CMSS1: variants seen among roughly 807,000 people sequenced by gnomAD.
CMSS1 encodes the protein protein CMSS1.
A neutral mutation model predicts 43.5 loss-of-function variants in CMSS1; 33 were observed. The ratio of observed to expected loss-of-function variants is 0.76; its 90% confidence interval spans 0.57 to 1.01. The LOEUF is 1.01. Ranked by LOEUF, CMSS1 falls within the 50% of genes least tolerant of loss-of-function variation. The pLI is 0.00. For missense variants in CMSS1, 313 were observed against 326.4 expected (o/e 0.96, Z 0.32); for synonymous variants, 115 against 117.2 (o/e 0.98, Z 0.12).
chr3:100,010,257 C>A, intron 1 of CMSS1: 1 of 358,632 alleles, frequency 2.8e-6, no homozygotes, highest in Non-Finnish European at 3.9e-6. Flanking sequence ...CCCCCCACAA[C>A]ATTGTCCTTA....
intron 1 of CMSS1, among the ~76,000 whole-genome samples, chr3:99,905,599 T>C (rs986617538): frequency 6.6e-6 from 1 of 152,260 alleles, no homozygotes; most frequent in Admixed American, 6.5e-5. Context: ...TACAGATTGA[T>C]ACACTTTTAC....
intron 1 of CMSS1, among the ~76,000 whole-genome samples, chr3:99,852,017 T>A (rs1424483021): frequency 6.6e-6 from 1 of 152,266 alleles, no homozygotes; most frequent in Non-Finnish European, 1.5e-5. Flanking sequence ...AATAATTCCC[T>A]CTTAAATGAT....
chr3:99,901,948 GATA>G (rs1191685236), intron 1 of CMSS1, among the ~76,000 whole-genome samples: 1 of 152,048 alleles, frequency 6.6e-6, no homozygotes, highest in Non-Finnish European at 1.5e-5. Flanking sequence ...ATGTGTTGCT[GATA>G]ATGATGCCAA....
intron 1 of CMSS1, among the ~76,000 whole-genome samples, chr3:99,909,069 CT>C (rs1706711408): frequency 6.6e-6 from 1 of 152,156 alleles, no homozygotes; most frequent in South Asian, 2.1e-4. Flanking sequence ...CAAAGGAATG[CT>C]TACCTGGAAA....
intron 1 of CMSS1, among the ~76,000 whole-genome samples, chr3:100,004,482 C>G (rs1241067389): frequency 1.3e-5 from 2 of 152,166 alleles, no homozygotes; most frequent in African/African-American, 4.8e-5. Context: ...GGTCACCCAT[C>G]AGAGTGGTGG....
intron 1 of CMSS1, among the ~76,000 whole-genome samples, chr3:99,920,311 A>T (rs1034735099): frequency 6.6e-6 from 1 of 152,230 alleles, no homozygotes; most frequent in Non-Finnish European, 1.5e-5. Flanking sequence ...AAGAAAAAAA[A>T]ATATGCAAGC....
At chr3:100,134,600 T>G (rs1031488008) in intron 1 of CMSS1, among the ~76,000 whole-genome samples, 4 of 152,178 alleles carry the variant, frequency 2.6e-5, no homozygotes, top group African/African-American at 9.7e-5. Context: ...GGAAAACAAG[T>G]ATAAATCAGG....
intron 1 of CMSS1, chr3:99,848,927 G>A: frequency 6.2e-7 from 1 of 1,614,174 alleles, no homozygotes; most frequent in Admixed American, 1.7e-5. Flanking sequence ...GTGATTTCAA[G>A]AGTGGCTGTG....
At chr3:99,984,048 A>ATGTGTGTGTGTGTGTGTGTGTGTGTG (rs367846393) in intron 1 of CMSS1, among the ~76,000 whole-genome samples, 2,472 of 147,656 alleles carry the variant, frequency 0.017, 35 homozygotes, top group African/African-American at 0.024. Flanking sequence ...AAGGATGTAT[A>ATGTGTGTGTGTGTGTGTGTGTGTGTG]TGTATGTGTG....
chr3:99,974,533 A>G (rs1296572492), intron 1 of CMSS1, among the ~76,000 whole-genome samples: 9 of 151,990 alleles, frequency 5.9e-5, no homozygotes, highest in African/African-American at 2.2e-4. Context: ...AACATGGAGA[A>G]ACCCCGTCTC....
At chr3:99,963,633 A>G (rs1208623975) in intron 1 of CMSS1, among the ~76,000 whole-genome samples, 1 of 151,472 alleles carries the variant, frequency 6.6e-6, no homozygotes, top group African/African-American at 2.4e-5. Flanking sequence ...TTTTTTTTAG[A>G]CGGAGTGTCG....
intron 6 of CMSS1, among the ~76,000 whole-genome samples, chr3:100,168,056 C>T (rs1405025938): frequency 6.6e-6 from 1 of 152,118 alleles, no homozygotes; most frequent in East Asian, 1.9e-4. Context: ...AAAAATAAAG[C>T]ATGGCAAAGG....
At chr3:100,088,036 G>C (rs1049250026) in intron 1 of CMSS1, among the ~76,000 whole-genome samples, 1 of 151,968 alleles carries the variant, frequency 6.6e-6, no homozygotes, top group Non-Finnish European at 1.5e-5. Flanking sequence ...TTACCATGTT[G>C]GCCAGGCTGG....
intron 2 of CMSS1, among the ~76,000 whole-genome samples, chr3:100,154,743 C>A (rs1489747496): frequency 6.6e-6 from 1 of 152,074 alleles, no homozygotes; most frequent in Non-Finnish European, 1.5e-5. Flanking sequence ...GAGGCTGAGG[C>A]GGGCAGATCA....
intron 1 of CMSS1, among the ~76,000 whole-genome samples, chr3:99,893,162 C>CTTTTTTTT (rs1200176411): frequency 9.3e-6 from 1 of 107,648 alleles, no homozygotes; most frequent in African/African-American, 3.4e-5. Context: ...GGCATCTAGA[C>CTTTTTTTT]TTTTTTTTTT....
chr3:100,029,951 G>C (rs1405395283), intron 1 of CMSS1, among the ~76,000 whole-genome samples: 1 of 152,162 alleles, frequency 6.6e-6, no homozygotes, highest in East Asian at 1.9e-4. Flanking sequence ...GGTGTGACAT[G>C]AGTGAGGACT....
intron 1 of CMSS1, among the ~76,000 whole-genome samples, chr3:100,139,529 A>AATG (rs1284622686): frequency 7.7e-6 from 1 of 129,296 alleles, no homozygotes; most frequent in African/African-American, 3.0e-5. Context: ...TAAAAAAAAA[A>AATG]TGTGTGTGTG....
chr3:100,133,295 A>C (rs1409489825), intron 1 of CMSS1, among the ~76,000 whole-genome samples: 1 of 152,158 alleles, frequency 6.6e-6, no homozygotes, highest in African/African-American at 2.4e-5. Flanking sequence ...TAAAGGATAA[A>C]ACATTTGTAT....
At chr3:99,870,973 C>T (rs994324195) in intron 1 of CMSS1, among the ~76,000 whole-genome samples, 3 of 152,140 alleles carry the variant, frequency 2.0e-5, no homozygotes, top group African/African-American at 4.8e-5. Flanking sequence ...TCCATGCCCC[C>T]GGGTGACTCA....
Sources: allele counts gnomAD v4.1 joint callset (sites outside exome capture counted in the v4.1 genomes callset), GRCh38; gene constraint gnomAD v4.1.1; transcripts MANE v1.5; gene names NCBI Gene and HGNC (gene_info 2026-07-23, HGNC 2026-07-21).